Variants in PAQR7 observed in about 807,000 individuals in gnomAD.
PAQR7 encodes the protein progestin and adipoQ receptor family member 7.
PAQR7 carries 14 observed loss-of-function variants against 24.6 expected under a neutral mutation model. That is an observed-to-expected ratio of 0.57 (90% CI 0.38 to 0.89). The LOEUF is 0.89. PAQR7 is among the 40% of genes least tolerant of loss of function. PAQR7 has a pLI of 0.00. For missense variants in PAQR7, 351 were observed against 444.0 expected (o/e 0.79, Z 1.88); for synonymous variants, 189 against 198.8 (o/e 0.95, Z 0.42).
intron 1 of PAQR7, among the ~76,000 whole-genome samples, chr1:25,873,977 G>A (rs757119407): frequency 4.6e-5 from 7 of 152,040 alleles, no homozygotes; most frequent in Non-Finnish European, 7.4e-5. Flanking sequence ...TCCGCCTCCC[G>A]GCTTCAAGCG....
In PAQR7 at chr1:25,863,709, T is replaced by G. The variant is rs1420803406; in HGVS notation, c.131A>C (p.Lys44Thr). The stretch of plus-strand genomic sequence containing the variant: ...CCGGTAGCCCGCATAGATGTACGGC[T>G]TCCAGAAGAGCGGCGGCACCTCAGC... ...DRAEVPPLFW[K>T]PYIYAGYRPL... The change falls in exon 3 of 3, where the codon AAG becomes ACG. Residue 44 changes from lysine (K) to threonine (T), a missense_variant. Lys to Thr is a moderately conservative substitution (Grantham distance 78, BLOSUM62 -1). Coordinates refer to ENST00000675840, the MANE Select transcript of PAQR7 (RefSeq NM_178422.6). The surrounding 1 kb of genome is among the most constrained non-coding windows in gnomAD (Gnocchi z 6.1). 6.2e-7 allele frequency: 1 copy of G among 1,614,038 alleles called. No individual in the cohort carries two copies. Among genetic ancestry groups the G allele is most frequent in the African/African-American group, 1.3e-5 (1 of 74,918 alleles).
chr1:25,864,428 A>C (rs895829932), intron 2 of PAQR7, among the ~76,000 whole-genome samples: 3 of 152,140 alleles, frequency 2.0e-5, no homozygotes, highest in East Asian at 1.9e-4. Flanking sequence ...ACCACAGTGC[A>C]CTTCAAATCC....
At chr1:25,874,757 T>G (rs988741563) in intron 1 of PAQR7, among the ~76,000 whole-genome samples, 1 of 152,208 alleles carries the variant, frequency 6.6e-6, no homozygotes, top group African/African-American at 2.4e-5. Context: ...TCTGAAGGTC[T>G]TCAAAACCTG....
intron 2 of PAQR7, among the ~76,000 whole-genome samples, chr1:25,870,297 C>G (rs1462425638): frequency 6.6e-6 from 1 of 152,188 alleles, no homozygotes; most frequent in Non-Finnish European, 1.5e-5. Context: ...GGGTTTCTCT[C>G]AAGCCTGGGG....
At chr1:25,865,722 G>T (rs1388215258) in intron 2 of PAQR7, among the ~76,000 whole-genome samples, 2 of 152,108 alleles carry the variant, frequency 1.3e-5, no homozygotes, top group African/African-American at 4.8e-5. Context: ...CAGGAGAATG[G>T]CATGAACCCG....
chr1:25,864,921 C>CTGA (rs958881147), intron 2 of PAQR7, among the ~76,000 whole-genome samples: 24 of 152,046 alleles, frequency 1.6e-4, no homozygotes, highest in Non-Finnish European at 2.8e-4. Context: ...CTTTGGGAGG[C>CTGA]TGAGACGGGC....
At chr1:25,868,964 T>A (rs2048580914) in intron 2 of PAQR7, among the ~76,000 whole-genome samples, 1 of 150,498 alleles carries the variant, frequency 6.6e-6, no homozygotes, top group South Asian at 2.1e-4. Context: ...CCGTCTCTAC[T>A]AAAAATACAA....
chr1:25,863,088 G>T lies in PAQR7; in HGVS notation c.752C>A (p.Ala251Asp), dbSNP rs2048525048. 3 of 1,613,978 alleles carry T rather than the reference G, an allele frequency of 1.9e-6. No individual in the cohort carries two copies. Among genetic ancestry groups the T allele is most frequent in the Middle Eastern group, 3.3e-4 (2 of 6,084 alleles). Residue 251 changes from alanine (A) to aspartate (D), a missense_variant, in exon 3 of 3, where the codon GCT becomes GAT. By Grantham distance (126) the Ala-to-Asp change is moderately radical. Coordinates refer to ENST00000675840, the MANE Select transcript of PAQR7 (RefSeq NM_178422.6). The surrounding 1 kb of genome is among the most constrained non-coding windows in gnomAD (Gnocchi z 6.1). ...HKCQVVFFLL[A>D]AAFFSTFMPE... Reference sequence around the variant, plus strand: ...CATGAAGGTAGAGAAGAAGGCAGCAGCCAGCAGAAAGAAGACCACCTGGCA... The same window carrying T: ...CATGAAGGTAGAGAAGAAGGCAGCATCCAGCAGAAAGAAGACCACCTGGCA...
rs764791786 is a variant in PAQR7 at position 25,862,861 on chromosome 1, T to C, written c.979A>G (p.Ile327Val). Residue 327 changes from isoleucine to valine, a missense_variant, in exon 3 of 3, where the codon ATC becomes GTC. Physicochemically the swap from Ile to Val is conservative, Grantham distance 29. Transcript: ENST00000675840. The stretch of plus-strand genomic sequence containing the variant: ...TGGCTCAGGAGGAATGCAGTGAGGA[T>C]GCTGCTGCCCACCGTGAGCAGGAAG... ...GLFLLTVGSS[I>V]LTAFLLSQLV... 2.5e-6 allele frequency: 4 copies of C among 1,613,988 alleles called. No individual in the cohort carries two copies. The highest frequency in any genetic ancestry group is 3.3e-5 in the Admixed American group (2 of 59,988).
At chr1:25,868,946 G>A (rs2048580754) in intron 2 of PAQR7, among the ~76,000 whole-genome samples, 1 of 151,524 alleles carries the variant, frequency 6.6e-6, no homozygotes, top group Admixed American at 6.6e-5. Context: ...GGCCAACATG[G>A]TGAAACCCCG....
At chr1:25,870,716 GGAA>G (rs1448373369) in intron 1 of PAQR7, 22 bp from the exon 2 acceptor site, 1 of 152,244 alleles carries the variant, frequency 6.6e-6, no homozygotes, top group Non-Finnish European at 1.5e-5. Flanking sequence ...GAATCAGAAT[GGAA>G]GAAGGTTAGG....
intron 2 of PAQR7, among the ~76,000 whole-genome samples, chr1:25,868,709 C>CAAAAAA (rs35304131): frequency 1.1e-5 from 1 of 89,738 alleles, no homozygotes; most frequent in Non-Finnish European, 2.4e-5. Flanking sequence ...GACCCTTTCT[C>CAAAAAA]AAAAAAAAAA....
rs1009189770 is a variant in PAQR7, at chr1:25,865,605, C to T, written c.-22-1744G>A. On this transcript the variant is annotated intron_variant, in intron 2 of 2. Coordinates refer to ENST00000675840, the MANE Select transcript of PAQR7 (RefSeq NM_178422.6). ...CGGGCGGATCATGAGGTCAGGAGAT[C>T]GAGACCATCCTGGCTAACACGGTGA... Among the ~76,000 whole-genome samples the T allele has an allele frequency of 5.3e-5, 8 of 152,130 alleles. No individual in the cohort carries two copies. The East Asian group carries it at 1.2e-3, about 22-fold the overall frequency.
rs1046722860 is a variant in PAQR7, at chr1:25,875,318, C to T, written c.-109+170G>A. On this transcript the variant is annotated intron_variant, in intron 1 of 2. Transcript: ENST00000675840. This position sits in a 1 kb window ranked among gnomAD's most constrained non-coding sequence, Gnocchi z 5.4. ...GTCCTCTCACTTAGCCCAGGTGCTC[C>T]CCTCCGGCTCCGCGTCCTGCCTGTC... Among the ~76,000 whole-genome samples, 20 of 152,312 alleles carry T rather than the reference C, an allele frequency of 1.3e-4. No individual in the cohort carries two copies. Among genetic ancestry groups the T allele is most frequent in the South Asian group, 1.0e-3 (5 of 4,828 alleles).
chr1:25,862,073 G>GC lies in PAQR7; in HGVS notation c.*725dup, dbSNP rs2048515846. 6.8e-6 allele frequency: 1 copy of GC among 146,968 alleles called. No homozygotes were observed. The highest frequency in any genetic ancestry group is 2.5e-5 in the African/African-American group (1 of 40,006). 9.1% of individuals were successfully genotyped at this position (146,968 alleles called of 1,614,324 possible). Reference sequence around the variant, plus strand: ...TTGTCATCTTGCATTGATCCACAGGGCCCAGTGGTGACCTGCCTCTGAGCA... The same window carrying GC: ...TTGTCATCTTGCATTGATCCACAGGGCCCCAGTGGTGACCTGCCTCTGAGCA... On this transcript the variant is annotated 3_prime_UTR_variant, in exon 3 of 3. Transcript: ENST00000675840.
chr1:25,873,645 A>G (rs1007398482), intron 1 of PAQR7, among the ~76,000 whole-genome samples: 1 of 152,190 alleles, frequency 6.6e-6, no homozygotes, highest in South Asian at 2.1e-4. Flanking sequence ...TGCAGCCATC[A>G]CTGCAGCCTC....
chr1:25,863,108 C>G lies in PAQR7; in HGVS notation c.732G>C (p.Gln244His). The change falls in exon 3 of 3, where the codon CAG (glutamine) becomes CAC (histidine). Residue 244 changes from glutamine to histidine, a missense_variant. Coordinates refer to ENST00000675840, the MANE Select transcript of PAQR7 (RefSeq NM_178422.6). The surrounding 1 kb of genome is among the most constrained non-coding windows in gnomAD (Gnocchi z 6.1). ...DDPALLYHKC[Q>H]VVFFLLAAAF... ...CAGCAGCCAGCAGAAAGAAGACCACCTGGCACTTGTGGTAGAGAAGAGCTG... is the reference window on the plus strand; with the variant it reads ...CAGCAGCCAGCAGAAAGAAGACCACGTGGCACTTGTGGTAGAGAAGAGCTG... 1 of 1,614,136 alleles carries G rather than the reference C, an allele frequency of 6.2e-7. No individual in the cohort carries two copies. Among genetic ancestry groups the G allele is most frequent in the South Asian group, 1.1e-5 (1 of 91,084 alleles).
Position 25,862,398 on chromosome 1 carries a change from G to A in PAQR7, c.*401C>T, listed in dbSNP as rs149954207. ...ATCCAGCAATGAAATCTGAGTAGAA[G>A]TAGGTTGCCAAGGCCTCCCCTGGCT... On this transcript the variant is annotated 3_prime_UTR_variant, in exon 3 of 3. Transcript: ENST00000675840. The A allele has an allele frequency of 2.7e-3, 535 of 195,788 alleles. 5 individuals are homozygous for A. The highest frequency in any genetic ancestry group is 0.012 in the African/African-American group (511 of 42,484). 12.1% of individuals were successfully genotyped at this position (195,788 alleles called of 1,614,324 possible).
In PAQR7 at chr1:25,862,896, A is replaced by G. The variant is rs1214028809; in HGVS notation, c.944T>C (p.Phe315Ser). The change falls in exon 3 of 3, where the codon TTT becomes TCT. Residue 315 changes from phenylalanine to serine, a missense_variant. By Grantham distance (155) the Phe-to-Ser change is radical (BLOSUM62 -2). Coordinates refer to ENST00000675840, the MANE Select transcript of PAQR7 (RefSeq NM_178422.6). ...EPLHTHWPHN[F>S]SGLFLLTVGS... is the part of the protein sequence containing the mutation. ...CACCGTGAGCAGGAAGAGGCCAGAAAAGTTGTGAGGCCAGTGCGTGTGCAG... is the reference window on the plus strand; with the variant it reads ...CACCGTGAGCAGGAAGAGGCCAGAAGAGTTGTGAGGCCAGTGCGTGTGCAG... 1 of 1,614,066 alleles carries G rather than the reference A, an allele frequency of 6.2e-7. No homozygotes were observed. Among genetic ancestry groups the G allele is most frequent in the Non-Finnish European group, 8.5e-7 (1 of 1,180,022 alleles).
Sources: gnomAD v4.1 joint callset for allele counts (sites outside exome capture counted in the v4.1 genomes callset) on GRCh38, gnomAD v4.1.1 for gene constraint, Gnocchi (gnomAD v3.1) non-coding constraint, MANE v1.5 for transcripts, NCBI Gene and HGNC (gene_info 2026-07-23, HGNC 2026-07-21) for gene names.